USP25: variants seen among roughly 807,000 people sequenced by gnomAD.
USP25 encodes ubiquitin carboxyl-terminal hydrolase 25.
Under a neutral mutation model 158.5 loss-of-function variants are expected in USP25, and 85 were observed. The observed-to-expected ratio is 0.54, with a 90% confidence interval of 0.45 to 0.64. The LOEUF is 0.64. Among genes scored for constraint, USP25 ranks in the 30% least tolerant of loss-of-function variants. USP25 has a pLI of 0.00. For synonymous variants in USP25, 464 were observed against 460.4 expected, an observed-to-expected ratio of 1.01 and a Z score of -0.10; for missense variants, 1,242 against 1,327.3, an observed-to-expected ratio of 0.94 and a Z score of 1.00.
At position 15,816,323 on chromosome 21, in the gene USP25, C is replaced by G. The variant is rs1033924402; in HGVS notation, c.932-2375C>G. On this transcript the variant is annotated intron_variant, in intron 9 of 25. Transcript: ENST00000400183. The surrounding 1 kb of genome is among the most constrained non-coding windows in gnomAD (Gnocchi z 4.0). Reference sequence around the variant, plus strand: ...TGTGGAACTGTAGTTCCAATTAATCCTCTTTTTCTTCCCAGTTTGGGATGT... The same window carrying G: ...TGTGGAACTGTAGTTCCAATTAATCGTCTTTTTCTTCCCAGTTTGGGATGT... 6.6e-6 allele frequency among the ~76,000 whole-genome samples: 1 copy of G among 152,160 alleles called. No homozygotes were observed. Among genetic ancestry groups the G allele is most frequent in the African/African-American group, 2.4e-5 (1 of 41,424 alleles).
intron 14 of USP25, among the ~76,000 whole-genome samples, chr21:15,829,370 G>C (rs532299261): frequency 5.9e-5 from 9 of 151,980 alleles, no homozygotes; most frequent in Non-Finnish European, 1.2e-4. Context: ...ACCATTTCTG[G>C]TTCAGAGTGT....
chr21:15,733,499 A>T (rs1011382536), intron 1 of USP25, among the ~76,000 whole-genome samples: 9 of 152,096 alleles, frequency 5.9e-5, no homozygotes, highest in Non-Finnish European at 1.5e-5. Context: ...TGGGAGGCTG[A>T]GGTGGGAGGA....
intron 8 of USP25, among the ~76,000 whole-genome samples, 190 bp downstream of exon 8, chr21:15,809,075 C>T (rs2036531921): frequency 6.6e-6 from 1 of 152,108 alleles, no homozygotes; most frequent in African/African-American, 2.4e-5. Flanking sequence ...AAAGTGATCC[C>T]TGGAAGAGCT....
rs925346993 is a variant in USP25, at chr21:15,744,952, G to A, written c.45+14514G>A. On this transcript the variant is annotated intron_variant, in intron 1 of 25. Transcript: ENST00000400183. ...GCATTTCTTGCATGAGCAGAAGAGT[G>A]TGTAGAATTCTCTCGGTTTGCTGTC... 15 of 152,350 alleles carry A rather than the reference G, an allele frequency of 9.8e-5. 1 individual carries two copies. Among genetic ancestry groups the A allele is most frequent in the Admixed American group, 4.6e-4 (7 of 15,310 alleles). 9.4% of individuals were successfully genotyped at this position (152,350 alleles called of 1,614,324 possible).
chr21:15,874,611 C>A, intron 24 of USP25, 85 bp downstream of exon 24: 1 of 1,356,560 alleles, frequency 7.4e-7, no homozygotes, highest in Non-Finnish European at 9.9e-7. Flanking sequence ...TGATTGACTC[C>A]ATAAACTCTG....
At chr21:15,873,725 TC>T (rs1008666563) in intron 23 of USP25, among the ~76,000 whole-genome samples, 3 of 152,066 alleles carry the variant, frequency 2.0e-5, no homozygotes, top group Admixed American at 6.6e-5. Context: ...ACTCCCTACG[TC>T]AGGTGGTCCG....
At chr21:15,848,066 A>G (rs1375579703) in intron 19 of USP25, among the ~76,000 whole-genome samples, 1 of 152,172 alleles carries the variant, frequency 6.6e-6, no homozygotes, top group African/African-American at 2.4e-5. Context: ...TTACAATAAG[A>G]TTTGTTTAAT....
chr21:15,730,367 G>A lies in USP25; in HGVS notation c.-27G>A, dbSNP rs1327312240. ...GCGCGAGGAGCCGGGCGCCACCGCC[G>A]CCGCCGCCGCCGCCGCCGCGGGGGC... On this transcript the variant is annotated 5_prime_UTR_variant, in exon 1 of 26. Coordinates refer to ENST00000400183, the MANE Select transcript of USP25 (RefSeq NM_001283041.3). 9 of 1,127,410 alleles carry A rather than the reference G, an allele frequency of 8.0e-6. No individual in the cohort carries two copies. The highest frequency in any genetic ancestry group is 1.9e-5 in the African/African-American group (1 of 53,070). 69.8% of individuals were successfully genotyped at this position (1,127,410 alleles called of 1,614,324 possible).
intron 22 of USP25, among the ~76,000 whole-genome samples, chr21:15,869,405 T>TA (rs2039793302): frequency 6.6e-6 from 1 of 152,214 alleles, no homozygotes; most frequent in African/African-American, 2.4e-5. Context: ...TTATTTTTCT[T>TA]GAGTCAATTA....
At chr21:15,758,024 T>G (rs976056449) in intron 1 of USP25, among the ~76,000 whole-genome samples, 5 of 152,236 alleles carry the variant, frequency 3.3e-5, no homozygotes, top group African/African-American at 1.2e-4. Context: ...TAAATAGTTG[T>G]ATGTGTAACT....
intron 16 of USP25, 102 bp downstream of exon 16, chr21:15,831,731 G>A: frequency 1.0e-6 from 1 of 981,010 alleles, no homozygotes; most frequent in Non-Finnish European, 1.6e-6. Flanking sequence ...GATGAAGGAT[G>A]TGGTTAGGAA....
intron 19 of USP25, 31 bp downstream of exon 19, chr21:15,847,807 A>G (rs1478885800): frequency 1.4e-6 from 2 of 1,435,016 alleles, no homozygotes; most frequent in Non-Finnish European, 1.9e-6. Flanking sequence ...CACCATTGCT[A>G]CTTAACTTTT....
chr21:15,800,362 T>G (rs2036072007), intron 6 of USP25, among the ~76,000 whole-genome samples: 1 of 151,286 alleles, frequency 6.6e-6, no homozygotes, highest in Non-Finnish European at 1.5e-5. Context: ...TAGAGCTGGT[T>G]ACTTGATTTC....
chr21:15,776,717 G>A (rs2034677360), intron 3 of USP25, among the ~76,000 whole-genome samples: 1 of 152,096 alleles, frequency 6.6e-6, no homozygotes, highest in South Asian at 2.1e-4. Context: ...GTGCATGCCT[G>A]TAGTCCTAGC....
intron 17 of USP25, among the ~76,000 whole-genome samples, chr21:15,835,437 A>G (rs1179244295): frequency 6.6e-6 from 1 of 150,760 alleles, no homozygotes; most frequent in Admixed American, 6.6e-5. Flanking sequence ...TACATTTGTC[A>G]TCTTTTTTCT....
At chr21:15,751,399 G>A (rs1311147530) in intron 1 of USP25, among the ~76,000 whole-genome samples, 2 of 152,166 alleles carry the variant, frequency 1.3e-5, no homozygotes, top group African/African-American at 2.4e-5. Context: ...TAACTGCTAG[G>A]AATTATATAG....
intron 22 of USP25, among the ~76,000 whole-genome samples, chr21:15,869,598 A>T (rs1425024523): frequency 6.6e-6 from 1 of 152,154 alleles, no homozygotes; most frequent in South Asian, 2.1e-4. Context: ...AATTTACCAC[A>T]TATTTGCGAA....
chr21:15,843,875 C>G lies in USP25; in HGVS notation c.2337+1335C>G, dbSNP rs1033503109. Among the ~76,000 whole-genome samples, 2 of 152,116 alleles carry G rather than the reference C, an allele frequency of 1.3e-5. No homozygotes were observed. Among genetic ancestry groups the G allele is most frequent in the African/African-American group, 4.8e-5 (2 of 41,428 alleles). ...TGATTAATGAGTGTCACTTTTTAAGCTGGTATTAGAAAACCAAAAGCATTA... is the reference window on the plus strand; with the variant it reads ...TGATTAATGAGTGTCACTTTTTAAGGTGGTATTAGAAAACCAAAAGCATTA... On this transcript the variant is annotated intron_variant, in intron 18 of 25. Coordinates refer to ENST00000400183, the MANE Select transcript of USP25 (RefSeq NM_001283041.3). This position sits in a 1 kb window ranked among gnomAD's most constrained non-coding sequence, Gnocchi z 4.0.
chr21:15,784,274 A>G (rs1252537892), intron 4 of USP25, among the ~76,000 whole-genome samples: 1 of 152,212 alleles, frequency 6.6e-6, no homozygotes, highest in Non-Finnish European at 1.5e-5. Flanking sequence ...TAAGGAACAC[A>G]TGAAAGATAA....
Sources: gnomAD v4.1 joint callset for allele counts (sites outside exome capture counted in the v4.1 genomes callset) on GRCh38, gnomAD v4.1.1 for gene constraint, Gnocchi (gnomAD v3.1) non-coding constraint, MANE v1.5 for transcripts, NCBI Gene and HGNC (gene_info 2026-07-23, HGNC 2026-07-21) for gene names.